The following SPRED2 variants were observed in gnomAD, a reference collection of about 807,000 sequenced individuals.
SPRED2 encodes sprouty-related, EVH1 domain-containing protein 2.
In SPRED2, 47 loss-of-function variants were observed where a neutral mutation model predicts 43.0. That is an observed-to-expected ratio of 1.09 (90% CI 0.87 to 1.40). The LOEUF is 1.40. Ranked by LOEUF, SPRED2 falls within the 40% of genes most tolerant of loss-of-function variation. The probability of loss-of-function intolerance (pLI) is 0.00; values close to 1 mark genes in which losing one functional copy is unlikely to be tolerated. For synonymous variants in SPRED2, 225 were observed against 225.7 expected, an observed-to-expected ratio of 1.00 and a Z score of 0.03; for missense variants, 561 against 586.4, an observed-to-expected ratio of 0.96 and a Z score of 0.45.
At chr2:65,344,402 T>C (rs957627259) in intron 2 of SPRED2, 5 of 423,272 alleles carry the variant, frequency 1.2e-5, no homozygotes, top group African/African-American at 1.0e-4. Flanking sequence ...ATGTGATTCA[T>C]AATAATAAAA....
rs557949423 is a variant in SPRED2, at chr2:65,327,116, G to A, written c.438+4871C>T. The stretch of plus-strand genomic sequence containing the variant: ...ATCCTCCTGCCTCACTTGGCCTCCC[G>A]AAGTGCTGGGATTACAGTTGTGAGC... On this transcript the variant is annotated intron_variant, in intron 4 of 5. Transcript: ENST00000356388. Among the ~76,000 whole-genome samples, 27 of 152,088 alleles carry A rather than the reference G, an allele frequency of 1.8e-4. No individual in the cohort carries two copies. The South Asian group carries it at 3.5e-3, about 20-fold the overall frequency.
chr2:65,391,987 A>G (rs1675647161), intron 1 of SPRED2, among the ~76,000 whole-genome samples: 1 of 152,028 alleles, frequency 6.6e-6, no homozygotes, highest in African/African-American at 2.4e-5. Context: ...TTTTTTAAAA[A>G]GTATTAAGTT....
intron 1 of SPRED2, among the ~76,000 whole-genome samples, chr2:65,416,044 C>G (rs1415721873): frequency 2.0e-5 from 3 of 152,238 alleles, no homozygotes; most frequent in Non-Finnish European, 4.4e-5. Flanking sequence ...CTGGTCAATA[C>G]TGCCCAGGTT....
At chr2:65,360,438 G>A (rs923691391) in intron 1 of SPRED2, among the ~76,000 whole-genome samples, 1 of 152,182 alleles carries the variant, frequency 6.6e-6, no homozygotes, top group Admixed American at 6.5e-5. Flanking sequence ...CGCATATAGC[G>A]AATTAACCTT....
At chr2:65,322,589 G>A (rs532644546) in intron 4 of SPRED2, among the ~76,000 whole-genome samples, 91 of 152,048 alleles carry the variant, frequency 6.0e-4, no homozygotes, top group Non-Finnish European at 1.0e-3. Flanking sequence ...CACCGTGCCC[G>A]GCCTCCTTTC....
At chr2:65,410,031 A>C (rs548292743) in intron 1 of SPRED2, among the ~76,000 whole-genome samples, 1 of 138,656 alleles carries the variant, frequency 7.2e-6, no homozygotes, top group African/African-American at 2.7e-5. Context: ...TCTGCCTCGG[A>C]AAAAAAAAAA....
chr2:65,386,285 C>CA (rs761665293), intron 1 of SPRED2, among the ~76,000 whole-genome samples: 6,764 of 55,200 alleles, frequency 0.12, 980 homozygotes, highest in Non-Finnish European at 0.16. Flanking sequence ...GACTCTGTCT[C>CA]AAAAAAAAAA....
chr2:65,363,017 T>TG (rs1674868424), intron 1 of SPRED2, among the ~76,000 whole-genome samples: 1 of 145,992 alleles, frequency 6.8e-6, no homozygotes, highest in South Asian at 2.1e-4. Flanking sequence ...TTTTTTTTTT[T>TG]TTTTTTTTTT....
chr2:65,332,124 A>G, intron 3 of SPRED2, 73 bp from the exon 4 acceptor site: 1 of 980,004 alleles, frequency 1.0e-6, no homozygotes, highest in Non-Finnish European at 1.5e-6. Flanking sequence ...AAAAAAGTAT[A>G]TTTTAATAAA....
At chr2:65,365,545 G>C (rs1477986542) in intron 1 of SPRED2, among the ~76,000 whole-genome samples, 3 of 152,176 alleles carry the variant, frequency 2.0e-5, no homozygotes, top group African/African-American at 7.2e-5. Flanking sequence ...TCTGTTTAAT[G>C]CTCTCTGAGT....
At chr2:65,322,356 C>T (rs372528278) in intron 4 of SPRED2, among the ~76,000 whole-genome samples, 1 of 140,570 alleles carries the variant, frequency 7.1e-6, no homozygotes, top group Non-Finnish European at 1.5e-5. Flanking sequence ...TGCAGTGGCA[C>T]GATCTCGGCT....
At chr2:65,397,452 C>G in intron 1 of SPRED2, among the ~76,000 whole-genome samples, 1 of 152,126 alleles carries the variant, frequency 6.6e-6, no homozygotes, top group African/African-American at 2.4e-5. Context: ...ACTAATCACT[C>G]AAAGCAAAGC....
chr2:65,313,988 C>T lies in SPRED2; in HGVS notation c.770G>A (p.Gly257Asp). Residue 257 changes from glycine to aspartate, a missense_variant, in exon 6 of 6, where the codon GGC becomes GAC. Gly to Asp is a moderately conservative substitution (Grantham distance 94). Coordinates refer to ENST00000356388, the MANE Select transcript of SPRED2 (RefSeq NM_181784.3). ...ADSSYVRFAKGEVPKHDYNYP... is the reference protein window; with the variant it reads ...ADSSYVRFAKDEVPKHDYNYP... ...GTTGTAGTCATGCTTGGGGACCTCG[C>T]CCTTGGCGAAGCGCACGTAGGAGGA... is the stretch of plus-strand genomic sequence containing the variant. 1 of 1,613,592 alleles carries T rather than the reference C, an allele frequency of 6.2e-7. No homozygotes were observed. Among genetic ancestry groups the T allele is most frequent in the Non-Finnish European group, 8.5e-7 (1 of 1,180,018 alleles).
intron 1 of SPRED2, among the ~76,000 whole-genome samples, chr2:65,360,569 A>G (rs1481644379): frequency 1.3e-5 from 2 of 152,244 alleles, no homozygotes; most frequent in Admixed American, 1.3e-4. Flanking sequence ...GTCAGTCACA[A>G]AAAGAAATAC....
At chr2:65,327,756 C>T (rs930222416) in intron 4 of SPRED2, among the ~76,000 whole-genome samples, 2 of 124,022 alleles carry the variant, frequency 1.6e-5, no homozygotes, top group African/African-American at 3.1e-5. Flanking sequence ...CGGAGTCTCG[C>T]TCTGTCGCCC....
intron 1 of SPRED2, among the ~76,000 whole-genome samples, chr2:65,378,636 A>G (rs1352558043): frequency 2.6e-5 from 4 of 152,226 alleles, no homozygotes; most frequent in Non-Finnish European, 4.4e-5. Context: ...TAGGGGTGAC[A>G]TTGTGTCCTG....
chr2:65,348,202 A>C (rs1385083088), intron 1 of SPRED2, among the ~76,000 whole-genome samples: 1 of 152,060 alleles, frequency 6.6e-6, no homozygotes, highest in Non-Finnish European at 1.5e-5. Flanking sequence ...TCATTCTCTT[A>C]TTTCACTTAA....
chr2:65,370,930 GT>G (rs1675110533), intron 1 of SPRED2, among the ~76,000 whole-genome samples: 1 of 152,190 alleles, frequency 6.6e-6, no homozygotes, highest in South Asian at 2.1e-4. Flanking sequence ...GTCCCCAGAG[GT>G]TGAAGCAAGA....
chr2:65,422,110 T>A (rs148315765), intron 1 of SPRED2, among the ~76,000 whole-genome samples: 25,460 of 79,662 alleles, frequency 0.32, 2,756 homozygotes, highest in East Asian at 0.52. Context: ...ACACACTCTC[T>A]CTCTCTCTCT....
Sources: allele counts gnomAD v4.1 joint callset (sites outside exome capture counted in the v4.1 genomes callset), GRCh38; gene constraint gnomAD v4.1.1; transcripts MANE v1.5; gene names NCBI Gene and HGNC (gene_info 2026-07-23, HGNC 2026-07-21).